Variants in CEPT1 observed in about 807,000 individuals in gnomAD.
The protein encoded by CEPT1 is choline/ethanolamine phosphotransferase 1, also known as choline/ethanolaminephosphotransferase 1.
A neutral mutation model predicts 42.6 loss-of-function variants in CEPT1; 7 were observed. The observed-to-expected ratio is 0.16, with a 90% CI of 0.09 to 0.31. The LOEUF is 0.31. CEPT1 is among the 10% of genes least tolerant of loss of function. The pLI, the probability that CEPT1 is intolerant of heterozygous loss-of-function variation, is 1.00. For missense variants in CEPT1, 306 were observed against 502.1 expected (o/e 0.61, Z 3.73); for synonymous variants, 171 against 171.9 (o/e 0.99, Z 0.04).
chr1:111,149,024 G>T, intron 2 of CEPT1, among the ~76,000 whole-genome samples: 1 of 151,994 alleles, frequency 6.6e-6, no homozygotes. Context: ...CAGATTATTT[G>T]TCCTTTGAGA....
rs200560638 is a variant in CEPT1 at position 111,182,170 on chromosome 1, C to T, written c.715-17C>T. On this transcript the variant is annotated splice_polypyrimidine_tract_variant and intron_variant, in intron 5 of 8. Coordinates refer to ENST00000357172, the MANE Select transcript of CEPT1 (RefSeq NM_006090.5). The stretch of plus-strand genomic sequence containing the variant: ...TTTGTATATGTTTTAATTGTTTTCT[C>T]TCTCTACCCATTAAAGATTCCAGTG... 2.5e-5 allele frequency: 40 copies of T among 1,569,494 alleles called. No homozygotes were observed. The East Asian group carries it at 8.4e-4, about 33-fold the overall frequency.
At chr1:111,180,542 T>A (rs540024452) in intron 5 of CEPT1, 2 of 152,216 alleles carry the variant, frequency 1.3e-5, no homozygotes, top group Non-Finnish European at 2.9e-5. Flanking sequence ...CCATAAAGTT[T>A]AGGACTTGAC....
intron 5 of CEPT1, chr1:111,178,663 TTAATA>T (rs1395487399): frequency 3.3e-5 from 5 of 152,162 alleles, no homozygotes; most frequent in Non-Finnish European, 2.9e-5. Context: ...TGGAAGAGAC[TTAATA>T]TAATCAACTC....
At chr1:111,183,801 G>A (rs1410143525) in intron 8 of CEPT1, among the ~76,000 whole-genome samples, 1 of 152,098 alleles carries the variant, frequency 6.6e-6, no homozygotes, top group African/African-American at 2.4e-5. Flanking sequence ...CCTACATCGG[G>A]CAGGGCTCAT....
chr1:111,157,894 T>G (rs1655654050), intron 2 of CEPT1, among the ~76,000 whole-genome samples: 1 of 152,240 alleles, frequency 6.6e-6, no homozygotes, highest in Non-Finnish European at 1.5e-5. Flanking sequence ...ATTCACAGTG[T>G]AACTTGATAA....
chr1:111,169,511 C>G (rs1656313508), intron 4 of CEPT1, among the ~76,000 whole-genome samples: 1 of 152,112 alleles, frequency 6.6e-6, no homozygotes, highest in African/African-American at 2.4e-5. Context: ...AGAGCCCTTT[C>G]TATTAAAATG....
intron 2 of CEPT1, 30 bp downstream of exon 2, chr1:111,148,083 T>C: frequency 6.5e-7 from 1 of 1,546,762 alleles, no homozygotes; most frequent in South Asian, 1.1e-5. Context: ...TCTCAACATT[T>C]GCTATATACC....
At chr1:111,167,588 T>C in intron 4 of CEPT1, 1 of 970,928 alleles carries the variant, frequency 1.0e-6, no homozygotes, top group Non-Finnish European at 1.2e-6. Flanking sequence ...TGATTCTATA[T>C]TAATGTAGGA....
intron 4 of CEPT1, among the ~76,000 whole-genome samples, chr1:111,169,358 G>T (rs1188759928): frequency 6.6e-6 from 1 of 152,072 alleles, no homozygotes; most frequent in Non-Finnish European, 1.5e-5. Context: ...CTTAGCAAAG[G>T]TCTTTTCCAC....
At chr1:111,149,204 C>T (rs1655132565) in intron 2 of CEPT1, among the ~76,000 whole-genome samples, 1 of 151,268 alleles carries the variant, frequency 6.6e-6, no homozygotes, top group African/African-American at 2.4e-5. Context: ...CCCTTAATTC[C>T]TCTTCTACTA....
At chr1:111,150,756 C>T (rs1345734814) in intron 2 of CEPT1, among the ~76,000 whole-genome samples, 1 of 152,186 alleles carries the variant, frequency 6.6e-6, no homozygotes, top group Non-Finnish European at 1.5e-5. Flanking sequence ...AAGCAATCCT[C>T]CTAGTAGATA....
intron 4 of CEPT1, chr1:111,167,595 A>G: frequency 2.1e-6 from 2 of 974,482 alleles, no homozygotes; most frequent in Non-Finnish European, 2.4e-6. Flanking sequence ...ATATTAATGT[A>G]GGAAAGATTC....
At chr1:111,142,653 A>G (rs1395202538) in intron 1 of CEPT1, among the ~76,000 whole-genome samples, 2 of 152,226 alleles carry the variant, frequency 1.3e-5, no homozygotes, top group South Asian at 4.1e-4. Flanking sequence ...ATCCTGTCTC[A>G]CTAAATTAAA....
chr1:111,182,283 A>G lies in CEPT1; in HGVS notation c.811A>G (p.Thr271Ala). 1.2e-6 allele frequency: 2 copies of G among 1,613,324 alleles called. No homozygotes were observed. The highest frequency in any genetic ancestry group is 1.7e-6 in the Non-Finnish European group (2 of 1,179,560). Residue 271 changes from threonine to alanine, a missense_variant, in exon 6 of 9, where the codon ACA becomes GCA. Physicochemically the swap from Thr to Ala is moderately conservative, Grantham distance 58 (BLOSUM62 0). This residue lies in a region of CEPT1 where 253 missense variants were observed against 447.3 expected (regional missense o/e 0.57). Coordinates refer to ENST00000357172, the MANE Select transcript of CEPT1 (RefSeq NM_006090.5). ...TACAAATTACTTCCGTGTAATCTTCACAGGTGGTGTTGGCAAAAATGGATC... is the reference window on the plus strand; with the variant it reads ...TACAAATTACTTCCGTGTAATCTTCGCAGGTGGTGTTGGCAAAAATGGATC... Reference protein sequence around the residue: ...SCTNYFRVIFTGGVGKNGSTI... With the variant: ...SCTNYFRVIFAGGVGKNGSTI...
At chr1:111,171,063 A>T (rs1656390295) in intron 4 of CEPT1, among the ~76,000 whole-genome samples, 1 of 152,204 alleles carries the variant, frequency 6.6e-6, no homozygotes, top group African/African-American at 2.4e-5. Context: ...GACATTAAAA[A>T]TTTGTGGGAG....
intron 3 of CEPT1, 200 bp from the exon 4 acceptor site, chr1:111,160,953 TAA>T (rs71096395): frequency 0.043 from 19,122 of 444,356 alleles, no homozygotes; most frequent in Middle Eastern, 0.061. Flanking sequence ...AGTGATTTGG[TAA>T]AAAAAAAAAA....
At chr1:111,149,115 A>G (rs941028120) in intron 2 of CEPT1, among the ~76,000 whole-genome samples, 8 of 152,166 alleles carry the variant, frequency 5.3e-5, no homozygotes, top group East Asian at 1.9e-4. Context: ...AAAAGCCATT[A>G]AAGTGAATGG....
intron 2 of CEPT1, among the ~76,000 whole-genome samples, chr1:111,154,358 T>G (rs1055901990): frequency 6.6e-6 from 1 of 152,130 alleles, no homozygotes; most frequent in Non-Finnish European, 1.5e-5. Flanking sequence ...TCTTGCATCT[T>G]TACTGAATTT....
intron 2 of CEPT1, among the ~76,000 whole-genome samples, chr1:111,151,599 A>G (rs967729344): frequency 3.3e-5 from 5 of 152,226 alleles, no homozygotes; most frequent in African/African-American, 9.6e-5. Flanking sequence ...TAGAAAGGGA[A>G]TGTTCAGGTT....
Sources: gnomAD v4.1 joint callset for allele counts (sites outside exome capture counted in the v4.1 genomes callset) on GRCh38, gnomAD v4.1.1 for gene constraint, gnomAD v4.1.1 regional missense constraint, MANE v1.5 for transcripts, NCBI Gene and HGNC (gene_info 2026-07-23, HGNC 2026-07-21) for gene names.